The following TTLL5 variants were observed in gnomAD, a reference collection of about 807,000 sequenced individuals.
TTLL5 encodes tubulin tyrosine ligase like 5.
TTLL5 carries 132 observed loss-of-function variants against 168.4 expected under a neutral mutation model. The observed-to-expected ratio is 0.78, with a 90% CI of 0.68 to 0.91. TTLL5 has a LOEUF of 0.91. Among genes scored for constraint, TTLL5 ranks in the 40% least tolerant of loss-of-function variants. The pLI, the probability that TTLL5 is intolerant of heterozygous loss-of-function variation, is 0.00. For missense variants in TTLL5, 1,545 were observed against 1,581.5 expected, an observed-to-expected ratio of 0.98 and a Z score of 0.39; for synonymous variants, 546 against 558.6, an observed-to-expected ratio of 0.98 and a Z score of 0.32.
At chr14:75,759,300 G>T (rs933795320) in intron 18 of TTLL5, among the ~76,000 whole-genome samples, 3 of 152,126 alleles carry the variant, frequency 2.0e-5, no homozygotes, top group African/African-American at 7.2e-5. Flanking sequence ...TTGTGGTGGT[G>T]GGAAAGTTGG....
In TTLL5 at chr14:75,734,020, A is replaced by G. The variant is rs745555170; in HGVS notation, c.1156A>G (p.Ser386Gly). 2.5e-6 allele frequency: 4 copies of G among 1,614,080 alleles called. No homozygotes were observed. The highest frequency in any genetic ancestry group is 1.7e-5 in the Admixed American group (1 of 60,016). The part of the protein sequence containing the change: ...DAPLDLKIKA[S>G]MISDMFTVVG... ...GCCTCTGGACCTAAAGATTAAAGCC[A>G]GTATGATTTCAGATATGTTCACTGT... The change falls in exon 14 of 32, where the codon AGT becomes GGT. Residue 386 changes from serine to glycine, a missense_variant. Physicochemically the swap from Ser to Gly is moderately conservative, Grantham distance 56. Coordinates refer to ENST00000298832, the MANE Select transcript of TTLL5 (RefSeq NM_015072.5).
Position 75,826,841 on chromosome 14 carries a change from G to T in TTLL5, c.3326+6680G>T, listed in dbSNP as rs1271265418. Reference sequence around the variant, plus strand: ...TTTCTGACTCATGTAGAAGAACATTGATGATCCATATTTAAAGCTTACCTA... The same window carrying T: ...TTTCTGACTCATGTAGAAGAACATTTATGATCCATATTTAAAGCTTACCTA... On this transcript the variant is annotated intron_variant, in intron 28 of 31. Coordinates refer to ENST00000298832, the MANE Select transcript of TTLL5 (RefSeq NM_015072.5). Among the ~76,000 whole-genome samples the T allele has an allele frequency of 2.0e-5, 3 of 152,154 alleles. No homozygotes were observed. In the East Asian group the frequency reaches 5.8e-4, roughly 29 times the overall value.
chr14:75,730,510 C>A (rs1280092294), intron 12 of TTLL5, among the ~76,000 whole-genome samples: 2 of 152,138 alleles, frequency 1.3e-5, no homozygotes, highest in African/African-American at 2.4e-5. Flanking sequence ...CATATAATTA[C>A]TATGGAAGCC....
chr14:75,869,850 C>A (rs1183925656), intron 29 of TTLL5, among the ~76,000 whole-genome samples: 1 of 6,478 alleles, frequency 1.5e-4, no homozygotes, highest in African/African-American at 6.4e-4. Context: ...GATGGAGTCT[C>A]ACTCTGTTGA....
At chr14:75,926,450 T>G (rs1183483496) in intron 31 of TTLL5, among the ~76,000 whole-genome samples, 1 of 152,190 alleles carries the variant, frequency 6.6e-6, no homozygotes, top group Non-Finnish European at 1.5e-5. Context: ...GCATCAATGG[T>G]CTTTACAATT....
intron 18 of TTLL5, among the ~76,000 whole-genome samples, chr14:75,756,897 A>G (rs886150134): frequency 3.3e-5 from 5 of 152,134 alleles, no homozygotes; most frequent in Admixed American, 6.5e-5. Flanking sequence ...ATAGCACTCA[A>G]TTTCTGTGGT....
chr14:75,938,248 G>A (rs529205989), intron 31 of TTLL5, among the ~76,000 whole-genome samples: 18 of 152,308 alleles, frequency 1.2e-4, no homozygotes, highest in East Asian at 5.8e-4. Flanking sequence ...AGGAGAAGTC[G>A]GAGCCAGAGG....
At chr14:75,902,040 CA>C in intron 30 of TTLL5, 101 bp from the exon 31 acceptor site, 1 of 951,286 alleles carries the variant, frequency 1.1e-6, no homozygotes, top group Non-Finnish European at 1.7e-6. Flanking sequence ...GAATGAGCCA[CA>C]GGAGAAGCAG....
intron 26 of TTLL5, among the ~76,000 whole-genome samples, chr14:75,787,549 A>G (rs1892442841): frequency 6.6e-6 from 1 of 152,228 alleles, no homozygotes; most frequent in South Asian, 2.1e-4. Context: ...TAAATCCACT[A>G]TCTTAGTGGG....
intron 31 of TTLL5, among the ~76,000 whole-genome samples, chr14:75,943,726 A>C (rs1205262197): frequency 6.6e-6 from 1 of 152,242 alleles, no homozygotes; most frequent in East Asian, 1.9e-4. Context: ...AGCCAGCAAA[A>C]TAATAGATAA....
intron 28 of TTLL5, among the ~76,000 whole-genome samples, chr14:75,843,872 G>GTTTTA (rs1368060191): frequency 7.5e-5 from 3 of 39,744 alleles, no homozygotes; most frequent in Non-Finnish European, 1.9e-4. Flanking sequence ...GTTTTGTTTT[G>GTTTTA]TTTTGTTTTA....
rs1421253050 is a variant in TTLL5, at chr14:75,775,539, G to T, written c.2192G>T (p.Arg731Met). The change falls in exon 22 of 32, where the codon AGG becomes ATG. Residue 731 changes from arginine to methionine, a missense_variant. Transcript: ENST00000298832. ...RASNNLQHSL[R>M]MVLPSRRLAL... ...TCAAATAACCTCCAGCATTCACTGA[G>T]GATGGTATTACCCAGTCGACGATTG... 1 of 1,614,044 alleles carries T rather than the reference G, an allele frequency of 6.2e-7. No homozygotes were observed. The highest frequency in any genetic ancestry group is 8.5e-7 in the Non-Finnish European group (1 of 1,180,000).
At chr14:75,806,462 G>T (rs1216548866) in intron 27 of TTLL5, among the ~76,000 whole-genome samples, 1 of 152,146 alleles carries the variant, frequency 6.6e-6, no homozygotes, top group Non-Finnish European at 1.5e-5. Context: ...TTTAGAATCT[G>T]GCTCCAGGCT....
At chr14:75,815,343 A>T (rs1894331369) in intron 27 of TTLL5, among the ~76,000 whole-genome samples, 1 of 152,212 alleles carries the variant, frequency 6.6e-6, no homozygotes, top group Non-Finnish European at 1.5e-5. Flanking sequence ...CTCTCATTTA[A>T]GTAGCAGTCA....
intron 26 of TTLL5, among the ~76,000 whole-genome samples, chr14:75,788,081 T>G (rs893112059): frequency 6.6e-5 from 10 of 152,006 alleles, no homozygotes; most frequent in African/African-American, 1.9e-4. Flanking sequence ...AGCGCAGGAG[T>G]TCGAGACCAG....
At chr14:75,701,517 G>A (rs1386546707) in intron 7 of TTLL5, among the ~76,000 whole-genome samples, 1 of 152,190 alleles carries the variant, frequency 6.6e-6, no homozygotes, top group Non-Finnish European at 1.5e-5. Flanking sequence ...TACTTTAGGT[G>A]GACATGGTGA....
intron 29 of TTLL5, 103 bp from the exon 30 acceptor site, chr14:75,882,582 C>G: frequency 1.9e-6 from 2 of 1,026,578 alleles, no homozygotes. Flanking sequence ...TAACAGTTGT[C>G]CTTTTCTTTT....
At chr14:75,783,583 A>G (rs1359283069) in intron 26 of TTLL5, 53 bp downstream of exon 26, 8 of 1,570,408 alleles carry the variant, frequency 5.1e-6, no homozygotes, top group African/African-American at 4.1e-5. Context: ...CCCAGCCCCA[A>G]TAAAGAAAGG....
intron 28 of TTLL5, among the ~76,000 whole-genome samples, chr14:75,851,095 C>CAAAAAAAA (rs35393032): frequency 1.0e-5 from 1 of 95,926 alleles, no homozygotes; most frequent in Non-Finnish European, 2.0e-5. Flanking sequence ...GACCTTGTCT[C>CAAAAAAAA]AAAAAAAAAA....
Sources: allele counts gnomAD v4.1 joint callset (sites outside exome capture counted in the v4.1 genomes callset), GRCh38; gene constraint gnomAD v4.1.1; transcripts MANE v1.5; gene names NCBI Gene and HGNC (gene_info 2026-07-23, HGNC 2026-07-21).